The following CDC42BPA variants were observed in gnomAD, a reference collection of about 807,000 sequenced individuals.
CDC42BPA encodes the protein CDC42 binding protein kinase alpha.
In CDC42BPA, 80 loss-of-function variants were observed where a neutral mutation model predicts 223.5. The ratio of observed to expected loss-of-function variants is 0.36; its 90% CI spans 0.30 to 0.43. The LOEUF (loss-of-function observed/expected upper bound fraction) is 0.43. Ranked by LOEUF, CDC42BPA falls within the 20% of genes least tolerant of loss-of-function variation. The pLI, the probability that CDC42BPA is intolerant of heterozygous loss-of-function variation, is 1.00. For missense variants in CDC42BPA, 1,743 were observed against 2,099.9 expected (o/e 0.83, Z 3.32); for synonymous variants, 694 against 718.6 (o/e 0.97, Z 0.55).
chr1:227,280,019 C>A (rs1687751233), intron 1 of CDC42BPA, among the ~76,000 whole-genome samples: 2 of 151,922 alleles, frequency 1.3e-5, no homozygotes, highest in Admixed American at 6.6e-5. Context: ...GATTGTGCCA[C>A]TGTAATCCAG....
intron 10 of CDC42BPA, among the ~76,000 whole-genome samples, chr1:227,135,218 A>C (rs1398013780): frequency 6.6e-6 from 1 of 152,230 alleles, no homozygotes; most frequent in African/African-American, 2.4e-5. Context: ...GAAATCTCAA[A>C]GTCCCTAAGC....
At chr1:227,088,684 T>C (rs1338933050) in intron 16 of CDC42BPA, among the ~76,000 whole-genome samples, 5 of 152,196 alleles carry the variant, frequency 3.3e-5, no homozygotes, top group Non-Finnish European at 7.3e-5. Flanking sequence ...AAATTTGTTA[T>C]GAGATTGAAG....
chr1:227,145,353 C>A, intron 8 of CDC42BPA, 136 bp downstream of exon 8: 1 of 627,942 alleles, frequency 1.6e-6, no homozygotes, highest in Non-Finnish European at 2.7e-6. Context: ...GAATAAGCAC[C>A]AGAAGCCATG....
At chr1:227,077,855 C>T (rs1679830027) in intron 17 of CDC42BPA, among the ~76,000 whole-genome samples, 1 of 152,178 alleles carries the variant, frequency 6.6e-6, no homozygotes, top group Non-Finnish European at 1.5e-5. Context: ...TTCTCCTCAT[C>T]TCTTGCCCTT....
intron 1 of CDC42BPA, chr1:227,264,982 C>T: frequency 1.1e-6 from 1 of 887,094 alleles, no homozygotes; most frequent in Non-Finnish European, 1.9e-6. Context: ...TTGGGCAGTG[C>T]TGCTACCTTT....
In CDC42BPA at chr1:227,138,833, T is replaced by C. The variant is rs76491169; in HGVS notation, c.1390+743A>G. On this transcript the variant is annotated intron_variant, in intron 10 of 36. Coordinates refer to ENST00000366766, the MANE Select transcript of CDC42BPA (RefSeq NM_001394014.1). ...ATTTGACAAAGAGAAAGAGGAACAA[T>C]AGATTTGAAGGTATATGCCAGGGTA... Among the ~76,000 whole-genome samples, 425 of 152,032 alleles carry C rather than the reference T, an allele frequency of 2.8e-3. 4 individuals carry two copies. In the East Asian group the frequency reaches 0.036, roughly 13 times the overall value.
intron 23 of CDC42BPA, among the ~76,000 whole-genome samples, chr1:227,041,613 T>TA (rs1206809629): frequency 6.6e-6 from 1 of 152,114 alleles, no homozygotes; most frequent in Non-Finnish European, 1.5e-5. Flanking sequence ...CAAAAGAAAT[T>TA]AAAAAAATAG....
intron 32 of CDC42BPA, among the ~76,000 whole-genome samples, chr1:227,021,833 C>CA (rs1238460902): frequency 6.6e-6 from 1 of 152,040 alleles, no homozygotes; most frequent in Admixed American, 6.6e-5. Context: ...TCCTGGCCAA[C>CA]ATGGTGAAAC....
At chr1:227,306,905 G>A (rs1169126305) in intron 1 of CDC42BPA, among the ~76,000 whole-genome samples, 1 of 152,178 alleles carries the variant, frequency 6.6e-6, no homozygotes, top group African/African-American at 2.4e-5. Flanking sequence ...TTGGGGCATT[G>A]CATTAGCCAC....
intron 32 of CDC42BPA, among the ~76,000 whole-genome samples, chr1:227,022,476 C>T (rs1198837048): frequency 6.6e-6 from 1 of 152,108 alleles, no homozygotes; most frequent in East Asian, 1.9e-4. Flanking sequence ...ACTGTAAATA[C>T]ATCCTCGCTA....
chr1:227,040,683 G>A (rs989621183), intron 23 of CDC42BPA, among the ~76,000 whole-genome samples: 5 of 152,112 alleles, frequency 3.3e-5, no homozygotes, highest in African/African-American at 9.7e-5. Flanking sequence ...TGTAAATCAT[G>A]CATTTCTCTT....
chr1:227,297,633 T>C (rs1690873567), intron 1 of CDC42BPA, among the ~76,000 whole-genome samples: 1 of 152,110 alleles, frequency 6.6e-6, no homozygotes, highest in South Asian at 2.1e-4. Context: ...TGACACATAA[T>C]GCCACATGAA....
chr1:227,247,740 C>A (rs1266801727), intron 2 of CDC42BPA, among the ~76,000 whole-genome samples: 3 of 151,826 alleles, frequency 2.0e-5, no homozygotes, highest in Non-Finnish European at 2.9e-5. Flanking sequence ...CAAAAATTAG[C>A]CAGGCGTGGT....
intron 3 of CDC42BPA, among the ~76,000 whole-genome samples, chr1:227,212,618 A>G (rs1370166271): frequency 6.6e-6 from 1 of 152,122 alleles, no homozygotes; most frequent in Non-Finnish European, 1.5e-5. Flanking sequence ...ACTCCAGTCA[A>G]TCCTTCCCTC....
chr1:227,128,953 C>T (rs1656402521), intron 11 of CDC42BPA, among the ~76,000 whole-genome samples, 156 bp downstream of exon 11: 1 of 152,148 alleles, frequency 6.6e-6, no homozygotes, highest in Admixed American at 6.5e-5. Flanking sequence ...ATGTGAACTC[C>T]TTGAGAGCAG....
At chr1:227,216,108 CTT>C in intron 2 of CDC42BPA, among the ~76,000 whole-genome samples, 1 of 145,268 alleles carries the variant, frequency 6.9e-6, no homozygotes, top group African/African-American at 2.6e-5. Context: ...TACACTGTGA[CTT>C]TTTCTCTCTC....
At chr1:227,174,533 TC>T (rs372857315) in intron 5 of CDC42BPA, among the ~76,000 whole-genome samples, 1 of 151,976 alleles carries the variant, frequency 6.6e-6, no homozygotes, top group African/African-American at 2.4e-5. Context: ...ATGTGGTATT[TC>T]CCCCCCAACA....
At chr1:227,075,432 C>A (rs756222822) in intron 17 of CDC42BPA, among the ~76,000 whole-genome samples, 8 of 152,098 alleles carry the variant, frequency 5.3e-5, no homozygotes, top group African/African-American at 7.2e-5. Context: ...TTAAAAGAGG[C>A]TTGTTGCTCT....
At chr1:227,209,925 AGGAAT>A (rs1225512082) in intron 3 of CDC42BPA, among the ~76,000 whole-genome samples, 1 of 149,758 alleles carries the variant, frequency 6.7e-6, no homozygotes, top group Admixed American at 6.7e-5. Flanking sequence ...TAGTTTCAGA[AGGAAT>A]GGTACCAGTT....
Sources: allele counts gnomAD v4.1 joint callset (sites outside exome capture counted in the v4.1 genomes callset), GRCh38; gene constraint gnomAD v4.1.1; transcripts MANE v1.5; gene names NCBI Gene and HGNC (gene_info 2026-07-23, HGNC 2026-07-21).